The following LDB2 variants were observed in gnomAD, a reference collection of about 807,000 sequenced individuals.
The protein encoded by LDB2 is LIM domain binding 2, also known as LIM domain-binding protein 2.
In LDB2, 12 loss-of-function variants were observed where a neutral mutation model predicts 44.3. The ratio of observed to expected loss-of-function variants is 0.27; its 90% CI spans 0.17 to 0.44. LDB2 has a LOEUF of 0.44. LDB2 is among the 20% of genes least tolerant of loss of function. The pLI is 1.00. For missense variants in LDB2, 344 were observed against 473.5 expected, an observed-to-expected ratio of 0.73 and a Z score of 2.54; for synonymous variants, 164 against 174.8, an observed-to-expected ratio of 0.94 and a Z score of 0.49.
intron 5 of LDB2, among the ~76,000 whole-genome samples, chr4:16,554,211 C>T (rs564394184): frequency 4.6e-5 from 7 of 151,972 alleles, no homozygotes; most frequent in South Asian, 4.2e-4. Context: ...CCACCATGCC[C>T]GGCTAATTTT....
At chr4:16,808,540 T>TAGATAA (rs1779206414) in intron 1 of LDB2, among the ~76,000 whole-genome samples, 9 of 152,344 alleles carry the variant, frequency 5.9e-5, no homozygotes, top group African/African-American at 2.2e-4. Flanking sequence ...TCTTTCAATA[T>TAGATAA]ACCTTAAAAC....
chr4:16,594,086 TG>T (rs1250702596), intron 3 of LDB2, among the ~76,000 whole-genome samples: 15 of 137,084 alleles, frequency 1.1e-4, no homozygotes, highest in Non-Finnish European at 1.6e-4. Context: ...TTAATTATCA[TG>T]GATTTTTTTT....
In LDB2 at chr4:16,772,244, T is replaced by C. The variant is rs893892954; in HGVS notation, c.133-12984A>G. Among the ~76,000 whole-genome samples, 19 of 152,228 alleles carry C rather than the reference T, an allele frequency of 1.2e-4. 1 individual carries two copies. Among genetic ancestry groups the C allele is most frequent in the Admixed American group, 2.0e-4 (3 of 15,284 alleles). On this transcript the variant is annotated intron_variant, in intron 1 of 7. Transcript: ENST00000304523. Reference sequence around the variant, plus strand: ...TATCACATCAGTCTATATTTTTCCTTGATCATTCAATTTTGTTTGTTTGTC... The same window carrying C: ...TATCACATCAGTCTATATTTTTCCTCGATCATTCAATTTTGTTTGTTTGTC...
intron 1 of LDB2, among the ~76,000 whole-genome samples, chr4:16,864,421 A>AC (rs35949765): frequency 0.59 from 89,139 of 151,886 alleles, 26,443 homozygotes; most frequent in East Asian, 0.85. Context: ...CTTCGCACAG[A>AC]AAGATGACAC....
intron 3 of LDB2, among the ~76,000 whole-genome samples, chr4:16,593,202 T>C (rs999217891): frequency 6.6e-6 from 1 of 152,150 alleles, no homozygotes; most frequent in Non-Finnish European, 1.5e-5. Flanking sequence ...ATTTGGGGAA[T>C]GAGAGTTTAT....
chr4:16,874,249 A>G (rs970446941), intron 1 of LDB2, among the ~76,000 whole-genome samples: 1 of 152,180 alleles, frequency 6.6e-6, no homozygotes, highest in East Asian at 1.9e-4. Context: ...GTTTTATATT[A>G]TATTTAATAA....
At chr4:16,884,604 T>G (rs982288548) in intron 1 of LDB2, among the ~76,000 whole-genome samples, 1 of 152,206 alleles carries the variant, frequency 6.6e-6, no homozygotes, top group Non-Finnish European at 1.5e-5. Flanking sequence ...AATTGGCAAA[T>G]TCCCATTTAT....
At chr4:16,513,570 T>C (rs911044326) in intron 5 of LDB2, among the ~76,000 whole-genome samples, 2 of 152,186 alleles carry the variant, frequency 1.3e-5, no homozygotes, top group Non-Finnish European at 2.9e-5. Context: ...TATGCTGACG[T>C]TTCTCGAAGT....
chr4:16,573,402 T>C (rs990120031), intron 5 of LDB2, among the ~76,000 whole-genome samples: 2 of 152,180 alleles, frequency 1.3e-5, no homozygotes, highest in Non-Finnish European at 2.9e-5. Flanking sequence ...AACCTTGAAT[T>C]GGTCTATATC....
At chr4:16,893,262 A>G (rs1265539011) in intron 1 of LDB2, among the ~76,000 whole-genome samples, 1 of 150,032 alleles carries the variant, frequency 6.7e-6, no homozygotes, top group Non-Finnish European at 1.5e-5. Context: ...ACTGAAAATC[A>G]TTCATATATC....
At position 16,803,255 on chromosome 4, in the gene LDB2, C is replaced by T. The variant is rs1204811497; in HGVS notation, c.133-43995G>A. Among the ~76,000 whole-genome samples, 2 of 152,064 alleles carry T rather than the reference C, an allele frequency of 1.3e-5. 1 individual carries two copies. Among genetic ancestry groups the T allele is most frequent in the Non-Finnish European group, 2.9e-5 (2 of 68,014 alleles). On this transcript the variant is annotated intron_variant, in intron 1 of 7. Coordinates refer to ENST00000304523, the MANE Select transcript of LDB2 (RefSeq NM_001290.5). ...TTTTTCAGTTTAAAAGTCTTTAAGC[C>T]TATATCAAGTCATTGACTCAAATCA...
intron 2 of LDB2, among the ~76,000 whole-genome samples, chr4:16,720,513 A>G (rs1387659690): frequency 6.6e-6 from 1 of 152,084 alleles, no homozygotes; most frequent in African/African-American, 2.4e-5. Context: ...CTCTGGTTGA[A>G]CCTTGACTGA....
intron 5 of LDB2, among the ~76,000 whole-genome samples, chr4:16,519,571 G>A (rs760461183): frequency 6.6e-6 from 1 of 150,792 alleles, no homozygotes; most frequent in Non-Finnish European, 1.5e-5. Flanking sequence ...CTAATACATG[G>A]CAAACTTGGG....
intron 5 of LDB2, among the ~76,000 whole-genome samples, chr4:16,523,548 G>A (rs1202953491): frequency 4.6e-5 from 7 of 152,104 alleles, no homozygotes; most frequent in African/African-American, 9.7e-5. Flanking sequence ...GCCATACTGC[G>A]ACAGTCGATC....
At chr4:16,503,963 A>G (rs1718356694) in intron 7 of LDB2, among the ~76,000 whole-genome samples, 1 of 152,176 alleles carries the variant, frequency 6.6e-6, no homozygotes, top group South Asian at 2.1e-4. Context: ...GGACCTTGGC[A>G]TGGGACAGGA....
intron 1 of LDB2, among the ~76,000 whole-genome samples, chr4:16,774,828 A>G (rs1303661482): frequency 1.3e-5 from 2 of 152,218 alleles, no homozygotes; most frequent in Non-Finnish European, 2.9e-5. Context: ...AAGGTTACAT[A>G]CATGCATGCA....
At position 16,623,751 on chromosome 4, in the gene LDB2, G is replaced by A. The variant is rs1578275031; in HGVS notation, c.236-27876C>T. Among the ~76,000 whole-genome samples, 3 of 146,464 alleles carry A rather than the reference G, an allele frequency of 2.0e-5. No homozygotes were observed. In the East Asian group the frequency reaches 6.1e-4, roughly 30 times the overall value. ...GCATGGCTTGAAAGCTGCTTAAAGT[G>A]CTTGAAATATACATACACACACACA... is the stretch of plus-strand genomic sequence containing the variant. On this transcript the variant is annotated intron_variant, in intron 2 of 7. Transcript: ENST00000304523.
At chr4:16,627,779 G>A (rs1459281341) in intron 2 of LDB2, among the ~76,000 whole-genome samples, 1 of 152,156 alleles carries the variant, frequency 6.6e-6, no homozygotes, top group African/African-American at 2.4e-5. Flanking sequence ...TAGAACATGA[G>A]AGAAGCGATG....
At position 16,507,637 on chromosome 4, in the gene LDB2, C is replaced by T. The variant is rs552093374; in HGVS notation, c.891+898G>A. Among the ~76,000 whole-genome samples, 64 of 152,132 alleles carry T rather than the reference C, an allele frequency of 4.2e-4. 1 individual carries two copies. The highest frequency in any genetic ancestry group is 3.4e-3 in the Middle Eastern group (1 of 294). ...GAAAACAGAGTATCTAAAAGGTATC[C>T]ATGAAGCACTAAGAAAATCTCAGGA... On this transcript the variant is annotated intron_variant, in intron 7 of 7. Coordinates refer to ENST00000304523, the MANE Select transcript of LDB2 (RefSeq NM_001290.5).
Sources: allele counts gnomAD v4.1 joint callset (sites outside exome capture counted in the v4.1 genomes callset), GRCh38; gene constraint gnomAD v4.1.1; transcripts MANE v1.5; gene names NCBI Gene and HGNC (gene_info 2026-07-23, HGNC 2026-07-21).